MICAL1: variants seen among roughly 807,000 people sequenced by gnomAD.
MICAL1 encodes [F-actin]-monooxygenase MICAL1.
In MICAL1, 95 loss-of-function variants were observed where a neutral mutation model predicts 131.8. The observed-to-expected ratio is 0.72, with a 90% CI of 0.61 to 0.86. The LOEUF is 0.86. Ranked by LOEUF, MICAL1 falls within the 40% of genes least tolerant of loss-of-function variation. The pLI is 0.00. For missense variants in MICAL1, 1,292 were observed against 1,380.6 expected (o/e 0.94, Z 1.02); for synonymous variants, 546 against 554.2 (o/e 0.99, Z 0.21).
chr6:109,448,132 G>GTC (rs1159428432), intron 13 of MICAL1, 71 bp downstream of exon 13: 6 of 1,247,032 alleles, frequency 4.8e-6, no homozygotes, highest in East Asian at 2.6e-5. Context: ...TTCTCCCTCT[G>GTC]TCACACACAC....
At chr6:109,454,903 G>C (rs1337767142) in intron 1 of MICAL1, 1 of 152,594 alleles carries the variant, frequency 6.6e-6, no homozygotes, top group Non-Finnish European at 1.5e-5. Flanking sequence ...GGGGAACGGA[G>C]GCCTGGGTCT....
chr6:109,452,713 C>G lies in MICAL1; in HGVS notation c.572-98G>C, dbSNP rs977664907. The G allele has an allele frequency of 1.1e-5, 9 of 856,652 alleles. No individual in the cohort carries two copies. In the African/African-American group the frequency reaches 1.4e-4, roughly 13 times the overall value. 53.1% of individuals were successfully genotyped at this position (856,652 alleles called of 1,614,324 possible). ...TGAAATCATCAAAACGTGTAAAGGA[C>G]TCTCTGGTTTAGAAAGCAATGATAT... On this transcript the variant is annotated intron_variant, in intron 4 of 24. Coordinates refer to ENST00000358807, the MANE Select transcript of MICAL1 (RefSeq NM_022765.4).
chr6:109,448,589 A>G, intron 12 of MICAL1, 143 bp downstream of exon 12: 1 of 1,376,988 alleles, frequency 7.3e-7, no homozygotes, highest in East Asian at 2.3e-5. Context: ...TGCCATTCAC[A>G]AAGCTCTCCA....
rs1035174273 is a variant in MICAL1 at position 109,445,767 on chromosome 6, T to A, written c.2673+4A>T. The A allele has an allele frequency of 3.1e-6, 5 of 1,609,562 alleles. No individual in the cohort carries two copies. Among genetic ancestry groups the A allele is most frequent in the Admixed American group, 3.4e-5 (2 of 59,516 alleles). On this transcript the variant is annotated splice_donor_region_variant and intron_variant, in intron 20 of 24. Coordinates refer to ENST00000358807, the MANE Select transcript of MICAL1 (RefSeq NM_022765.4). ...GTTTTGTGGCTGCACGCTGGCCCAC[T>A]CACCTGTTCCACATCTGAGTCCAAA...
chr6:109,455,939 C>G (rs546732258), upstream of MICAL1: 1 of 985,378 alleles, frequency 1.0e-6, no homozygotes, highest in African/African-American at 1.7e-5. This position sits in a 1 kb window ranked among gnomAD's most constrained non-coding sequence, Gnocchi z 4.7. Flanking sequence ...TCATTAGCAT[C>G]TCATTACTTC....
At chr6:109,449,135 G>A in intron 11 of MICAL1, 1 of 659,510 alleles carries the variant, frequency 1.5e-6, no homozygotes, top group Non-Finnish European at 2.7e-6. Context: ...AGACTAAACT[G>A]GGGGCAGGGG....
chr6:109,451,878 G>C, intron 6 of MICAL1, 178 bp from the exon 7 acceptor site: 1 of 1,406,540 alleles, frequency 7.1e-7, no homozygotes, highest in Non-Finnish European at 9.2e-7. Flanking sequence ...CCAGGCCCAG[G>C]AGGCCTGAGG....
intron 1 of MICAL1, chr6:109,465,578 G>T (rs1776013479): frequency 7.0e-7 from 1 of 1,434,156 alleles, no homozygotes; most frequent in African/African-American, 1.4e-5. Flanking sequence ...TGCCCCCAAA[G>T]AAAAACTACC....
At chr6:109,463,607 G>A (rs1204694657) in intron 1 of MICAL1, 1 of 152,098 alleles carries the variant, frequency 6.6e-6, no homozygotes, top group Non-Finnish European at 1.5e-5. Context: ...TACTTGATAT[G>A]AGAATCTGTT....
At chr6:109,454,645 G>C (rs1308742364) in intron 1 of MICAL1, 1 of 194,824 alleles carries the variant, frequency 5.1e-6, no homozygotes, top group African/African-American at 2.4e-5. Flanking sequence ...CACAGGGACA[G>C]ATCTGATACC....
chr6:109,458,849 C>T (rs984424427), upstream of MICAL1, among the ~76,000 whole-genome samples: 7 of 152,268 alleles, frequency 4.6e-5, no homozygotes, highest in African/African-American at 1.7e-4. Flanking sequence ...ACCCATGGTC[C>T]TGGGCCGGGA....
Position 109,454,027 on chromosome 6 carries a change from T to A in MICAL1, c.170A>T (p.Tyr57Phe). The change falls in exon 2 of 25, where the codon TAC becomes TTC. Residue 57 changes from tyrosine (Y) to phenylalanine (F), a missense_variant. Transcript: ENST00000358807. ...GGTCCACAGTGACTTGGCGCTCCAG[T>A]AGTTGAGCTGGTCCTTGATCTTGTG... ...QYHKIKDQLN[Y>F]WSAKSLWTKL... 1.2e-6 allele frequency: 2 copies of A among 1,614,128 alleles called. No individual in the cohort carries two copies. The highest frequency in any genetic ancestry group is 2.2e-5 in the South Asian group (2 of 91,084).
rs1304012270 is a variant in MICAL1 at position 109,447,104 on chromosome 6, C to T, written c.2196G>A (p.Trp732Ter). The change falls in exon 17 of 25, where the codon TGG becomes TGA. Residue 732 changes from tryptophan (W) to a stop codon, truncating the protein, a stop_gained. Coordinates refer to ENST00000358807, the MANE Select transcript of MICAL1 (RefSeq NM_022765.4). LOFTEE classifies it high-confidence loss of function. ...CTGGGTGCTGCTCGTAGCCACCTGG[C>T]CACAGTGTGGCCTCACAGGTATGGC... is the stretch of plus-strand genomic sequence containing the variant. ...FRCHTCEATL[W>*]PGGYEQHPGD... is the part of the protein sequence containing the mutation. 6 of 1,614,016 alleles carry T rather than the reference C, an allele frequency of 3.7e-6. No homozygotes were observed. The highest frequency in any genetic ancestry group is 1.3e-5 in the African/African-American group (1 of 74,918).
intron 12 of MICAL1, 162 bp from the exon 13 acceptor site, chr6:109,448,555 A>T (rs1775354401): frequency 2.4e-6 from 3 of 1,253,580 alleles, no homozygotes; most frequent in Non-Finnish European, 3.4e-6. Context: ...ACCCAGTGAC[A>T]CTACTCCTGG....
At chr6:109,462,277 T>A (rs1325964109) in intron 1 of MICAL1, among the ~76,000 whole-genome samples, 2 of 152,202 alleles carry the variant, frequency 1.3e-5, no homozygotes, top group Non-Finnish European at 1.5e-5. Context: ...ACTGACACGT[T>A]GATCTTGGAC....
Position 109,453,685 on chromosome 6 carries a change from G to A in MICAL1, c.419C>T (p.Ala140Val), listed in dbSNP as rs1775630055. ...GCAGAAGCGCCCGTAGAACTTCTTA[G>A]CACCGAGTGCCCGCAGGTCGTGGAT... ...FTIHDLRALG[A>V]KKFYGRFCTG... The change falls in exon 3 of 25, where the codon GCT (alanine) becomes GTT (valine). Residue 140 changes from alanine (A) to valine (V), a missense_variant. Physicochemically the swap from Ala to Val is moderately conservative, Grantham distance 64. Transcript: ENST00000358807. The A allele has an allele frequency of 6.2e-7, 1 of 1,613,816 alleles. No homozygotes were observed. The highest frequency in any genetic ancestry group is 1.6e-4 in the Middle Eastern group (1 of 6,062).
exon 1 of MICAL1, chr6:109,465,699 T>A: frequency 6.2e-7 from 1 of 1,603,526 alleles, no homozygotes; most frequent in East Asian, 2.2e-5. Context: ...GCTACCTGGA[T>A]GGAGGGCATT....
chr6:109,445,666 A>G, intron 20 of MICAL1, 105 bp downstream of exon 20: 1 of 1,496,548 alleles, frequency 6.7e-7, no homozygotes, highest in South Asian at 1.2e-5. Context: ...GAGATATGAC[A>G]GGCCAAGTGA....
upstream of MICAL1, among the ~76,000 whole-genome samples, chr6:109,457,599 A>C (rs1166954786): frequency 1.3e-5 from 2 of 152,040 alleles, no homozygotes; most frequent in Non-Finnish European, 1.5e-5. Context: ...TTCTAGAATA[A>C]TCTCATTTCC....
Sources: allele counts gnomAD v4.1 joint callset (sites outside exome capture counted in the v4.1 genomes callset), GRCh38; gene constraint gnomAD v4.1.1; non-coding constraint Gnocchi (gnomAD v3.1); transcripts MANE v1.5; gene names NCBI Gene and HGNC (gene_info 2026-07-23, HGNC 2026-07-21).